MDH1B: variants seen among roughly 807,000 people sequenced by gnomAD.
MDH1B encodes putative malate dehydrogenase 1B.
A neutral mutation model predicts 61.4 loss-of-function variants in MDH1B; 60 were observed. The observed-to-expected ratio is 0.98, with a 90% confidence interval of 0.79 to 1.21. The LOEUF is 1.21. Among genes scored for constraint, MDH1B ranks in the 50% most tolerant of loss-of-function variants. MDH1B has a pLI of 0.00. For synonymous variants in MDH1B, 236 were observed against 218.7 expected (o/e 1.08, Z -0.70); for missense variants, 587 against 632.1 (o/e 0.93, Z 0.76).
chr2:206,754,835 TA>T (rs200403977), intron 5 of MDH1B, among the ~76,000 whole-genome samples, 173 bp downstream of exon 5: 5 of 151,270 alleles, frequency 3.3e-5, no homozygotes, highest in East Asian at 1.9e-4. Flanking sequence ...CAAAAGCCAG[TA>T]AAAAAAAATG....
In MDH1B at chr2:206,746,336, A is replaced by G; in HGVS notation, c.1307T>C (p.Val436Ala). Residue 436 changes from valine to alanine, a missense_variant, in exon 8 of 12, where the codon GTT becomes GCT. Coordinates refer to ENST00000374412, the MANE Select transcript of MDH1B (RefSeq NM_001039845.3). ...GGTCATTATTTGTTCACTTATTTCA[A>G]CATCTTTGAGATCTGTAAGAACCAC... ...TWVVLTDLKDVEISEQIMTRM... is the reference protein window; with the variant it reads ...TWVVLTDLKDAEISEQIMTRM... The G allele has an allele frequency of 6.2e-7, 1 of 1,613,912 alleles. No individual in the cohort carries two copies. Among genetic ancestry groups the G allele is most frequent in the Non-Finnish European group, 8.5e-7 (1 of 1,179,924 alleles).
At chr2:206,756,112 G>A (rs916259388) in intron 4 of MDH1B, among the ~76,000 whole-genome samples, 1 of 152,070 alleles carries the variant, frequency 6.6e-6, no homozygotes, top group Non-Finnish European at 1.5e-5. Flanking sequence ...GGCATTTCTG[G>A]TATTCACAGT....
Position 206,755,098 on chromosome 2 carries a change from C to G in MDH1B, c.821G>C (p.Arg274Pro). 1 of 1,614,206 alleles carries G rather than the reference C, an allele frequency of 6.2e-7. No individual in the cohort carries two copies. The highest frequency in any genetic ancestry group is 1.1e-5 in the South Asian group (1 of 91,080). ...KTVLLMRYAPRIAHNIIAVAL... is the reference protein window; with the variant it reads ...KTVLLMRYAPPIAHNIIAVAL... ...CACAGCAATAATGTTGTGTGCAATGCGTGGGGCATATCTCATGAGTAAAAC... is the reference window on the plus strand; with the variant it reads ...CACAGCAATAATGTTGTGTGCAATGGGTGGGGCATATCTCATGAGTAAAAC... Residue 274 changes from arginine to proline, a missense_variant, in exon 5 of 12, where the codon CGC becomes CCC. By Grantham distance (103) the Arg-to-Pro change is moderately radical. Coordinates refer to ENST00000374412, the MANE Select transcript of MDH1B (RefSeq NM_001039845.3).
intron 6 of MDH1B, 139 bp downstream of exon 6, chr2:206,750,795 G>A (rs963513320): frequency 4.1e-5 from 27 of 654,206 alleles, no homozygotes; most frequent in Non-Finnish European, 5.7e-5. Context: ...TGTTTCTTCA[G>A]TAGACAGCAT....
chr2:206,746,390 A>G lies in MDH1B; in HGVS notation c.1253T>C (p.Met418Thr), dbSNP rs534916321. The change falls in exon 8 of 12, where the codon ATG (methionine) becomes ACG (threonine). Residue 418 changes from methionine (M) to threonine (T), a missense_variant. Transcript: ENST00000374412. The part of the protein sequence containing the change: ...FGIPKGIVFS[M>T]PVKFENGTWV... ...AGTTCCATTCTCAAATTTCACAGGC[A>G]TAGAAAAGACGATCCCTTTCGGAAT... 3.1e-6 allele frequency: 5 copies of G among 1,613,952 alleles called. No individual in the cohort carries two copies. The East Asian group carries it at 1.1e-4, about 36-fold the overall frequency.
In MDH1B at chr2:206,745,603, A is replaced by G. The variant is rs749010338; in HGVS notation, c.1408+19T>C. On this transcript the variant is annotated intron_variant, in intron 9 of 11. Transcript: ENST00000374412. ...TCTTTTAATAGCAGTCCAATAAAACATCACGTCTAAGAGCTTACCTGATTG... is the reference window on the plus strand; with the variant it reads ...TCTTTTAATAGCAGTCCAATAAAACGTCACGTCTAAGAGCTTACCTGATTG... 1.3e-6 allele frequency: 2 copies of G among 1,589,372 alleles called. No individual in the cohort carries two copies. The highest frequency in any genetic ancestry group is 1.1e-5 in the South Asian group (1 of 87,482).
chr2:206,749,295 A>G (rs1688305032), intron 6 of MDH1B, 112 bp from the exon 7 acceptor site: 1 of 827,132 alleles, frequency 1.2e-6, no homozygotes, highest in African/African-American at 1.7e-5. Flanking sequence ...CAGTCAAAAT[A>G]GAAATACAGC....
At chr2:206,752,996 G>A (rs991602256) in intron 5 of MDH1B, among the ~76,000 whole-genome samples, 17 of 149,160 alleles carry the variant, frequency 1.1e-4, no homozygotes, top group African/African-American at 4.2e-4. Context: ...AAGCCTGGAC[G>A]AGGAGTTTGT....
At chr2:206,741,125 AAC>A in intron 9 of MDH1B, 21 bp from the exon 10 acceptor site, 1 of 1,612,390 alleles carries the variant, frequency 6.2e-7, no homozygotes. Flanking sequence ...AATTAAATAA[AAC>A]ATGCTGGATT....
At chr2:206,744,938 A>G (rs1271114461) in intron 9 of MDH1B, among the ~76,000 whole-genome samples, 3 of 147,832 alleles carry the variant, frequency 2.0e-5, no homozygotes, top group African/African-American at 7.5e-5. Context: ...AAATAAATAA[A>G]TAAATAAATA....
chr2:206,739,431 G>A (rs547979600), intron 11 of MDH1B, among the ~76,000 whole-genome samples, 162 bp downstream of exon 11: 1 of 152,042 alleles, frequency 6.6e-6, no homozygotes, highest in Middle Eastern at 3.4e-3. Context: ...AAAGTGGGAC[G>A]CTGGGATCCA....
chr2:206,739,585 C>G lies in MDH1B; in HGVS notation c.1528+8G>C, dbSNP rs1687690971. 1 of 1,612,420 alleles carries G rather than the reference C, an allele frequency of 6.2e-7. No homozygotes were observed. Among genetic ancestry groups the G allele is most frequent in the African/African-American group, 1.3e-5 (1 of 74,890 alleles). On this transcript the variant is annotated splice_region_variant and intron_variant, in intron 11 of 11. Coordinates refer to ENST00000374412, the MANE Select transcript of MDH1B (RefSeq NM_001039845.3). ...AAAATACTAGTTAATGTTTTGTCTA[C>G]CACCTACCATTTAGGAACTCAAGAC... is the stretch of plus-strand genomic sequence containing the variant.
chr2:206,760,996 A>G lies in MDH1B; in HGVS notation c.40T>C (p.Tyr14His), dbSNP rs1689060436. 6.2e-7 allele frequency: 1 copy of G among 1,601,268 alleles called. No homozygotes were observed. Among genetic ancestry groups the G allele is most frequent in the African/African-American group, 1.3e-5 (1 of 74,724 alleles). Residue 14 changes from tyrosine to histidine, a missense_variant, in exon 2 of 12, where the codon TAT becomes CAT. Tyr to His is a moderately conservative substitution (Grantham distance 83, BLOSUM62 2). Coordinates refer to ENST00000374412, the MANE Select transcript of MDH1B (RefSeq NM_001039845.3). ...GCCACAAGTTCTGTTTTAGCATAAT[A>G]TGGACAATCTGCTCTACCTAAAAGA... The part of the protein sequence containing the change: ...FVIAGRADCP[Y>H]YAKTELVADY...
chr2:206,750,307 C>T (rs1192864495), intron 6 of MDH1B, among the ~76,000 whole-genome samples: 1 of 150,106 alleles, frequency 6.7e-6, no homozygotes, highest in African/African-American at 2.5e-5. Flanking sequence ...TCCCCAAGAC[C>T]CTATAGGGAG....
At position 206,745,677 on chromosome 2, in the gene MDH1B, T is replaced by C. The variant is rs752068183; in HGVS notation, c.1357-4A>G. 3.8e-5 allele frequency: 61 copies of C among 1,605,166 alleles called. No individual in the cohort carries two copies. Among genetic ancestry groups the C allele is most frequent in the Non-Finnish European group, 4.8e-5 (56 of 1,173,374 alleles). On this transcript the variant is annotated splice_region_variant and splice_polypyrimidine_tract_variant and intron_variant, in intron 8 of 11. Transcript: ENST00000374412. ...CTCCAAGTGCAACAAGTTTCTCCTG[T>C]TGAAATTTTATAATCACAGAATTAA...
chr2:206,749,011 C>G lies in MDH1B; in HGVS notation c.1216+9G>C, dbSNP rs1254850760. On this transcript the variant is annotated intron_variant, in intron 7 of 11. Transcript: ENST00000374412. ...AAGATTTTACAAGATATGAAAAACC[C>G]AGATTTACCTTCACTCAATATTCCT... 3 of 1,610,180 alleles carry G rather than the reference C, an allele frequency of 1.9e-6. No homozygotes were observed. Among genetic ancestry groups the G allele is most frequent in the African/African-American group, 1.3e-5 (1 of 74,742 alleles).
chr2:206,744,754 G>A (rs139475923), intron 9 of MDH1B, among the ~76,000 whole-genome samples: 6 of 151,532 alleles, frequency 4.0e-5, no homozygotes, highest in East Asian at 2.0e-4. Context: ...GTGAAACCTC[G>A]TCTCTACTAA....
chr2:206,738,185 G>A lies in MDH1B; in HGVS notation c.*298C>T. ...AAGCAGGTTCTCTCAGAAGATGTAT[G>A]GGCAGATGCAATGACTGACAACTCT... On this transcript the variant is annotated 3_prime_UTR_variant, in exon 12 of 12. Transcript: ENST00000374412. 4.1e-6 allele frequency: 1 copy of A among 243,472 alleles called. No homozygotes were observed. The highest frequency in any genetic ancestry group is 7.8e-6 in the Non-Finnish European group (1 of 127,838). 15.1% of individuals were successfully genotyped at this position (243,472 alleles called of 1,614,324 possible).
intron 9 of MDH1B, chr2:206,745,265 C>T (rs552467087): frequency 2.4e-6 from 1 of 415,548 alleles, no homozygotes; most frequent in Admixed American, 2.9e-5. Flanking sequence ...GAGAGTGTGG[C>T]CCTGCTGATA....
Sources: allele counts gnomAD v4.1 joint callset (sites outside exome capture counted in the v4.1 genomes callset), GRCh38; gene constraint gnomAD v4.1.1; transcripts MANE v1.5; gene names NCBI Gene and HGNC (gene_info 2026-07-23, HGNC 2026-07-21).